PIEZO2: variants seen among roughly 807,000 people sequenced by gnomAD.
The protein encoded by PIEZO2 is piezo type mechanosensitive ion channel component 2.
Under a neutral mutation model 337.3 loss-of-function variants are expected in PIEZO2, and 172 were observed. That is an observed-to-expected ratio of 0.51 (90% CI 0.45 to 0.58). PIEZO2 has a LOEUF of 0.58. PIEZO2 is among the 20% of genes least tolerant of loss of function. The probability of loss-of-function intolerance (pLI) is 0.00; values close to 1 mark genes in which losing one functional copy is unlikely to be tolerated. For synonymous variants in PIEZO2, 1,251 were observed against 1,228.5 expected, an observed-to-expected ratio of 1.02 and a Z score of -0.38; for missense variants, 3,028 against 3,391.3, an observed-to-expected ratio of 0.89 and a Z score of 2.66.
At chr18:10,912,448 C>T (rs2030565562) in intron 3 of PIEZO2, among the ~76,000 whole-genome samples, 1 of 152,152 alleles carries the variant, frequency 6.6e-6, no homozygotes, top group African/African-American at 2.4e-5. Context: ...GCACTAGGTG[C>T]TTGATAATCA....
At chr18:10,896,035 G>A (rs1323814434) in intron 4 of PIEZO2, among the ~76,000 whole-genome samples, 1 of 133,326 alleles carries the variant, frequency 7.5e-6, no homozygotes, top group Non-Finnish European at 1.6e-5. Flanking sequence ...ACTCCAACCT[G>A]AGCAAAAAGA....
intron 11 of PIEZO2, among the ~76,000 whole-genome samples, chr18:10,799,700 C>T (rs1280720324): frequency 1.3e-5 from 2 of 152,160 alleles, no homozygotes; most frequent in Non-Finnish European, 2.9e-5. Flanking sequence ...CAGCCGGGTG[C>T]GGTGGCCCAC....
chr18:10,805,920 GT>G (rs1201543428), intron 8 of PIEZO2, among the ~76,000 whole-genome samples: 3 of 152,248 alleles, frequency 2.0e-5, no homozygotes, highest in African/African-American at 7.2e-5. Context: ...GCCTCCTGCA[GT>G]TTTACAGTCA....
chr18:11,098,952 C>T (rs1183620024), intron 1 of PIEZO2, among the ~76,000 whole-genome samples: 1 of 150,306 alleles, frequency 6.7e-6, no homozygotes, highest in South Asian at 2.2e-4. Flanking sequence ...CATGAGCCAC[C>T]ATGCCTGTAT....
At position 10,726,847 on chromosome 18, in the gene PIEZO2, C is replaced by T; in HGVS notation, c.5029+4560G>A. On this transcript the variant is annotated intron_variant, in intron 36 of 55. Transcript: ENST00000674853. This position sits in a 1 kb window ranked among gnomAD's most constrained non-coding sequence, Gnocchi z 5.9. ...TAATACCCGGATGCCCCACCTTATG[C>T]AGGACTTGGCACGCTACCGGCAGCA... The T allele has an allele frequency of 6.3e-7, 1 of 1,586,820 alleles. No individual in the cohort carries two copies. The highest frequency in any genetic ancestry group is 1.7e-5 in the Admixed American group (1 of 59,324).
At chr18:10,897,659 C>T (rs929114797) in intron 4 of PIEZO2, among the ~76,000 whole-genome samples, 4 of 152,120 alleles carry the variant, frequency 2.6e-5, no homozygotes, top group African/African-American at 9.7e-5. Flanking sequence ...TACCCAGTCT[C>T]GGGTATGTCT....
intron 28 of PIEZO2, among the ~76,000 whole-genome samples, chr18:10,751,602 C>A (rs562562536): frequency 6.6e-6 from 1 of 151,840 alleles, no homozygotes; most frequent in Non-Finnish European, 1.5e-5. Flanking sequence ...CAGTGATACA[C>A]GTGCCCCCCC....
At chr18:10,680,453 T>G in intron 51 of PIEZO2, 82 bp from the exon 52 acceptor site, 8 of 1,268,852 alleles carry the variant, frequency 6.3e-6, no homozygotes, top group Non-Finnish European at 8.8e-6. Context: ...TCCTTTTAAC[T>G]GGCAGTATGG....
intron 1 of PIEZO2, among the ~76,000 whole-genome samples, chr18:11,100,874 C>T (rs930947566): frequency 2.4e-4 from 36 of 152,182 alleles, no homozygotes; most frequent in African/African-American, 7.7e-4. Context: ...GGATTACAGG[C>T]ATGAGCCACC....
Position 10,766,066 on chromosome 18 carries a change from C to T in PIEZO2, c.2947-2968G>A, listed in dbSNP as rs541642632. On this transcript the variant is annotated intron_variant, in intron 21 of 55. Coordinates refer to ENST00000674853, the MANE Select transcript of PIEZO2 (RefSeq NM_001378183.1). This position sits in a 1 kb window ranked among gnomAD's most constrained non-coding sequence, Gnocchi z 6.1. ...TTTTACAAATAGAAAAACTGGGGCT[C>T]AGTGAATGAAGTATGATACTTCATT... Among the ~76,000 whole-genome samples, 36 of 152,222 alleles carry T rather than the reference C, an allele frequency of 2.4e-4. No homozygotes were observed. The highest frequency in any genetic ancestry group is 7.7e-4 in the African/African-American group (32 of 41,522).
rs1418060873 is a variant in PIEZO2 at position 11,003,539 on chromosome 18, C to G, written c.161-23879G>C. Among the ~76,000 whole-genome samples the G allele has an allele frequency of 2.0e-5, 3 of 152,190 alleles. No homozygotes were observed. The highest frequency in any genetic ancestry group is 6.5e-5 in the Admixed American group (1 of 15,292). On this transcript the variant is annotated intron_variant, in intron 2 of 55. Coordinates refer to ENST00000674853, the MANE Select transcript of PIEZO2 (RefSeq NM_001378183.1). This position sits in a 1 kb window ranked among gnomAD's most constrained non-coding sequence, Gnocchi z 4.6. ...TACATTTAAGAAAGATTAATAAAAG[C>G]AAGTCAGATAATAATTTACCCACTT...
At position 10,846,400 on chromosome 18, in the gene PIEZO2, G is replaced by A. The variant is rs1183630308; in HGVS notation, c.917+8953C>T. On this transcript the variant is annotated intron_variant, in intron 7 of 55. Transcript: ENST00000674853. This position sits in a 1 kb window ranked among gnomAD's most constrained non-coding sequence, Gnocchi z 4.1. The stretch of plus-strand genomic sequence containing the variant: ...CCACCGGGGATGAGATTTGGGTGGG[G>A]TCATAGCAAAACCTATCACTTAGAG... Among the ~76,000 whole-genome samples the A allele has an allele frequency of 6.6e-6, 1 of 152,174 alleles. No individual in the cohort carries two copies. Among genetic ancestry groups the A allele is most frequent in the Non-Finnish European group, 1.5e-5 (1 of 68,036 alleles).
rs1397792035 is a variant in PIEZO2, at chr18:10,767,709, C to T, written c.2946+2439G>A. ...AGCAGGGCCTGTGTGAGGGTGGCCC[C>T]TGGTCCTGATGGGGAGGCACAGAGC... On this transcript the variant is annotated intron_variant, in intron 21 of 55. Transcript: ENST00000674853. This position sits in a 1 kb window ranked among gnomAD's most constrained non-coding sequence, Gnocchi z 4.2. Among the ~76,000 whole-genome samples the T allele has an allele frequency of 6.6e-6, 1 of 152,124 alleles. No individual in the cohort carries two copies. The highest frequency in any genetic ancestry group is 1.5e-5 in the Non-Finnish European group (1 of 68,000).
chr18:10,912,619 T>C (rs1382111186), intron 3 of PIEZO2, among the ~76,000 whole-genome samples: 5 of 152,186 alleles, frequency 3.3e-5, no homozygotes, highest in Non-Finnish European at 7.4e-5. Context: ...TTAGGTTTAT[T>C]TCTTGAGAAC....
At chr18:10,741,180 A>G in intron 32 of PIEZO2, 78 bp from the exon 33 acceptor site, 2 of 1,332,380 alleles carry the variant, frequency 1.5e-6, no homozygotes, top group South Asian at 1.5e-5. Flanking sequence ...TAACAACTCA[A>G]TTGTCAAATC....
rs2035553341 is a variant in PIEZO2 at position 10,705,686 on chromosome 18, C to A, written c.5649G>T (p.Glu1883Asp). 15 of 1,536,974 alleles carry A rather than the reference C, an allele frequency of 9.8e-6. No individual in the cohort carries two copies. Among genetic ancestry groups the A allele is most frequent in the Non-Finnish European group, 1.3e-5 (15 of 1,146,886 alleles). Residue 1883 changes from glutamate (E) to aspartate (D), a missense_variant, in exon 41 of 56, where the codon GAG (glutamate) becomes GAT (aspartate). By Grantham distance (45) the Glu-to-Asp change is conservative (BLOSUM62 2). Around this residue, in one of 5 missense-constraint regions of PIEZO2, gnomAD observed 1,925 missense variants for 2,051.9 expected, o/e 0.94. Coordinates refer to ENST00000674853, the MANE Select transcript of PIEZO2 (RefSeq NM_001378183.1). ...CCTCCTCCTCCTGCTCAGCCTCCACCTCCTCGATGGTCTCAGTGGTCCCCT... is the reference window on the plus strand; with the variant it reads ...CCTCCTCCTCCTGCTCAGCCTCCACATCCTCGATGGTCTCAGTGGTCCCCT... ...SRQGTTETIE[E>D]VEAEQEEEAG...
intron 23 of PIEZO2, among the ~76,000 whole-genome samples, 165 bp from the exon 24 acceptor site, chr18:10,761,276 G>C (rs1200559042): frequency 1.3e-5 from 2 of 152,146 alleles, no homozygotes; most frequent in Admixed American, 1.3e-4. Context: ...TATTTATTGT[G>C]GCATTATCTA....
intron 47 of PIEZO2, among the ~76,000 whole-genome samples, chr18:10,691,782 C>CACACATATATATATAT: frequency 1.0e-5 from 1 of 96,616 alleles, no homozygotes; most frequent in African/African-American, 4.6e-5. Context: ...CACACACACA[C>CACACATATATATATAT]ATATATATAT....
rs561078928 is a variant in PIEZO2 at position 10,821,757 on chromosome 18, C to G, written c.918-14483G>C. Among the ~76,000 whole-genome samples, 10 of 152,264 alleles carry G rather than the reference C, an allele frequency of 6.6e-5. No individual in the cohort carries two copies. Among genetic ancestry groups the G allele is most frequent in the African/African-American group, 2.4e-4 (10 of 41,550 alleles). On this transcript the variant is annotated intron_variant, in intron 7 of 55. Coordinates refer to ENST00000674853, the MANE Select transcript of PIEZO2 (RefSeq NM_001378183.1). This position sits in a 1 kb window ranked among gnomAD's most constrained non-coding sequence, Gnocchi z 4.2. ...TGTCTCTCACCATTTACAACATAGA[C>G]CTCAGGTGAACATACATCCTCTTTC...
Sources: gnomAD v4.1 joint callset for allele counts (sites outside exome capture counted in the v4.1 genomes callset) on GRCh38, gnomAD v4.1.1 for gene constraint, gnomAD v4.1.1 regional missense constraint, Gnocchi (gnomAD v3.1) non-coding constraint, MANE v1.5 for transcripts, NCBI Gene and HGNC (gene_info 2026-07-23, HGNC 2026-07-21) for gene names.